The following TAFA5 variants were observed in gnomAD, a reference collection of about 807,000 sequenced individuals.
The protein encoded by TAFA5 is TAFA chemokine like family member 5.
Under a neutral mutation model 15.3 loss-of-function variants are expected in TAFA5, and 6 were observed. The observed-to-expected ratio is 0.39, with a 90% CI of 0.21 to 0.77. TAFA5 has a LOEUF of 0.77. Among genes scored for constraint, TAFA5 ranks in the 30% least tolerant of loss-of-function variants. The probability of loss-of-function intolerance (pLI) is 0.41; values close to 1 mark genes in which losing one functional copy is unlikely to be tolerated. For synonymous variants in TAFA5, 103 were observed against 80.7 expected (o/e 1.28, Z -1.48); for missense variants, 161 against 193.1 (o/e 0.83, Z 0.98).
chr22:48,721,987 AT>A (rs975486469), intron 3 of TAFA5, among the ~76,000 whole-genome samples: 1 of 147,688 alleles, frequency 6.8e-6, no homozygotes, highest in African/African-American at 2.5e-5. Context: ...AAAAAAAAAA[AT>A]TTAATAAACA....
chr22:48,642,554 T>A (rs534555266), intron 1 of TAFA5, among the ~76,000 whole-genome samples: 1 of 152,174 alleles, frequency 6.6e-6, no homozygotes, highest in Non-Finnish European at 1.5e-5. Context: ...GAGGACCCTG[T>A]CCCTGCAGCC....
Position 48,743,691 on chromosome 22 carries a change from A to C in TAFA5, c.391-6148A>C, listed in dbSNP as rs1601711878. Among the ~76,000 whole-genome samples the C allele has an allele frequency of 2.6e-5, 4 of 152,258 alleles. No homozygotes were observed. In the East Asian group the frequency reaches 5.8e-4, roughly 22 times the overall value. ...AGCTGGGCCCCGCCGTGGGCAGCCG[A>C]GGCGCTGACGTCTCTGATGTCCAAT... On this transcript the variant is annotated intron_variant, in intron 3 of 3. Transcript: ENST00000402357.
At chr22:48,590,024 G>A (rs1051032236) in intron 1 of TAFA5, among the ~76,000 whole-genome samples, 1 of 151,032 alleles carries the variant, frequency 6.6e-6, no homozygotes, top group African/African-American at 2.4e-5. Flanking sequence ...ACGCGCACAT[G>A]CACGCGTGCT....
At chr22:48,523,513 G>A (rs1406764491) in intron 1 of TAFA5, among the ~76,000 whole-genome samples, 2 of 152,200 alleles carry the variant, frequency 1.3e-5, no homozygotes, top group Non-Finnish European at 2.9e-5. Flanking sequence ...TGGGAGCCCC[G>A]AAGGCTGGCC....
At chr22:48,643,970 A>G (rs1926773825) in intron 1 of TAFA5, among the ~76,000 whole-genome samples, 1 of 152,196 alleles carries the variant, frequency 6.6e-6, no homozygotes. Flanking sequence ...TTCTGCGTAA[A>G]TCACAACGTA....
chr22:48,627,640 C>T (rs1926072244), intron 1 of TAFA5, among the ~76,000 whole-genome samples: 1 of 152,222 alleles, frequency 6.6e-6, no homozygotes, highest in South Asian at 2.1e-4. Context: ...CGTGGGAGGC[C>T]CACGCTGTTG....
At chr22:48,664,210 T>G (rs540354295) in intron 2 of TAFA5, among the ~76,000 whole-genome samples, 1 of 152,310 alleles carries the variant, frequency 6.6e-6, no homozygotes, top group African/African-American at 2.4e-5. Flanking sequence ...TCTCTGCCGT[T>G]CCAGTCAGCC....
chr22:48,655,474 G>A (rs1173167213), intron 2 of TAFA5, among the ~76,000 whole-genome samples: 1 of 152,162 alleles, frequency 6.6e-6, no homozygotes, highest in Non-Finnish European at 1.5e-5. Flanking sequence ...ATTCTCCAGA[G>A]AGGCAGAACG....
At chr22:48,729,707 T>TATATAA (rs557071848) in intron 3 of TAFA5, among the ~76,000 whole-genome samples, 1 of 147,338 alleles carries the variant, frequency 6.8e-6, no homozygotes, top group African/African-American at 2.5e-5. Flanking sequence ...TTATTTTAAA[T>TATATAA]ATATAAATAT....
At chr22:48,712,320 G>T (rs1929278473) in intron 3 of TAFA5, among the ~76,000 whole-genome samples, 1 of 152,316 alleles carries the variant, frequency 6.6e-6, no homozygotes, top group East Asian at 1.9e-4. Flanking sequence ...GCCTCCCAAA[G>T]TGCTGGGATT....
chr22:48,582,578 C>T (rs1275522439), intron 1 of TAFA5, among the ~76,000 whole-genome samples: 1 of 143,468 alleles, frequency 7.0e-6, no homozygotes, highest in Non-Finnish European at 1.5e-5. Context: ...ACAAAATACG[C>T]CACATACCAC....
chr22:48,599,220 G>A (rs1219103377), intron 1 of TAFA5, among the ~76,000 whole-genome samples: 1 of 152,158 alleles, frequency 6.6e-6, no homozygotes, highest in African/African-American at 2.4e-5. Flanking sequence ...GGGATGATAA[G>A]GCAGAAAGTC....
At chr22:48,618,268 C>G (rs1305816208) in intron 1 of TAFA5, among the ~76,000 whole-genome samples, 1 of 152,210 alleles carries the variant, frequency 6.6e-6, no homozygotes, top group Non-Finnish European at 1.5e-5. Context: ...AGCCACTGTC[C>G]CAGGCTCTCC....
chr22:48,692,558 C>T (rs1432610925), intron 2 of TAFA5, among the ~76,000 whole-genome samples: 2 of 152,230 alleles, frequency 1.3e-5, no homozygotes, highest in Admixed American at 6.5e-5. Flanking sequence ...GCCACCATGC[C>T]TGCCCTTACC....
intron 2 of TAFA5, among the ~76,000 whole-genome samples, chr22:48,655,123 G>T (rs770632610): frequency 1.2e-4 from 18 of 152,144 alleles, no homozygotes; most frequent in South Asian, 2.1e-4. Flanking sequence ...CATCCAGGAT[G>T]CCCCAGGGTC....
intron 1 of TAFA5, among the ~76,000 whole-genome samples, chr22:48,612,366 C>T (rs376267151): frequency 9.2e-5 from 14 of 152,320 alleles, no homozygotes; most frequent in African/African-American, 2.9e-4. Flanking sequence ...AGCCTGTGCG[C>T]GTCTTGGGAG....
At chr22:48,531,817 G>T (rs1921983706) in intron 1 of TAFA5, among the ~76,000 whole-genome samples, 1 of 152,180 alleles carries the variant, frequency 6.6e-6, no homozygotes, top group Non-Finnish European at 1.5e-5. Flanking sequence ...TGACCCTGGA[G>T]GAAGAGACAG....
chr22:48,501,418 C>T (rs1238004217), intron 1 of TAFA5, among the ~76,000 whole-genome samples: 9 of 152,228 alleles, frequency 5.9e-5, no homozygotes, highest in African/African-American at 1.7e-4. Flanking sequence ...CTCCAGCACC[C>T]GGGCGGTGTG....
intron 1 of TAFA5, among the ~76,000 whole-genome samples, chr22:48,644,090 T>A (rs75875434): frequency 6.6e-6 from 1 of 152,250 alleles, no homozygotes; most frequent in African/African-American, 2.4e-5. Context: ...CCGGATGCTC[T>A]TTCCTCGTGG....
Sources: allele counts gnomAD v4.1 joint callset (sites outside exome capture counted in the v4.1 genomes callset), GRCh38; gene constraint gnomAD v4.1.1; transcripts MANE v1.5; gene names NCBI Gene and HGNC (gene_info 2026-07-23, HGNC 2026-07-21).